Variants in NRG3 observed in about 807,000 individuals in gnomAD.
NRG3 encodes the protein pro-neuregulin-3, membrane-bound isoform.
Under a neutral mutation model 66.9 loss-of-function variants are expected in NRG3, and 31 were observed. The ratio of observed to expected loss-of-function variants is 0.46; its 90% confidence interval spans 0.35 to 0.63. NRG3 has a LOEUF of 0.63. NRG3 is among the 20% of genes least tolerant of loss of function. NRG3 has a pLI of 0.00. For missense variants in NRG3, 910 were observed against 878.9 expected, an observed-to-expected ratio of 1.04 and a Z score of -0.45; for synonymous variants, 393 against 359.4, an observed-to-expected ratio of 1.09 and a Z score of -1.06.
At position 81,885,979 on chromosome 10, in the gene NRG3, ACT is replaced by A. The variant is rs559842626; in HGVS notation, c.823+9821_823+9822del. Among the ~76,000 whole-genome samples, 402 of 152,150 alleles carry A rather than the reference ACT, an allele frequency of 2.6e-3. 1 individual carries two copies. The highest frequency in any genetic ancestry group is 4.6e-3 in the Non-Finnish European group (315 of 67,986). Reference sequence around the variant, plus strand: ...TATTTCATTGACTTTTCAGTATGATACTCTCTGTTTCTGGATTAAAAAACTAA... The same window carrying A: ...TATTTCATTGACTTTTCAGTATGATACTCTGTTTCTGGATTAAAAAACTAA... On this transcript the variant is annotated intron_variant, in intron 1 of 8. Transcript: ENST00000372141.
intron 1 of NRG3, among the ~76,000 whole-genome samples, chr10:82,026,598 T>G (rs937801943): frequency 1.3e-5 from 2 of 152,004 alleles, no homozygotes; most frequent in African/African-American, 4.8e-5. Flanking sequence ...ATTTATATAT[T>G]ACCTATAATT....
intron 2 of NRG3, among the ~76,000 whole-genome samples, chr10:82,585,865 A>G (rs1025373860): frequency 1.3e-5 from 2 of 152,202 alleles, no homozygotes; most frequent in African/African-American, 4.8e-5. Flanking sequence ...GGCTTTTTAT[A>G]ATAGGTATAC....
chr10:82,150,530 C>A (rs1649966), intron 1 of NRG3, among the ~76,000 whole-genome samples: 1,802 of 25,486 alleles, frequency 0.071, 151 homozygotes, highest in Middle Eastern at 0.096. Context: ...AGAGCACACA[C>A]AAAAAAAAAA....
intron 3 of NRG3, among the ~76,000 whole-genome samples, chr10:82,825,302 G>T (rs2062149329): frequency 6.6e-6 from 1 of 152,072 alleles, no homozygotes; most frequent in African/African-American, 2.4e-5. Context: ...TATAATTTCA[G>T]CTCTTATATT....
chr10:81,922,683 A>C (rs1846370451), intron 1 of NRG3, among the ~76,000 whole-genome samples: 1 of 152,276 alleles, frequency 6.6e-6, no homozygotes, highest in South Asian at 2.1e-4. Context: ...TGTGGGCATC[A>C]GTTGATGCTA....
At position 81,875,764 on chromosome 10, in the gene NRG3, G is replaced by C. The variant is rs372465981; in HGVS notation, c.424G>C (p.Ala142Pro). ...CACCACGTCCCCCGCCACCCCCTCC[G>C]CCGGGGGTGCCGCCTCCTCCAGGAC... is the stretch of plus-strand genomic sequence containing the variant. ...TSTTSPATPSAGGAASSRTPN... is the reference protein window; with the variant it reads ...TSTTSPATPSPGGAASSRTPN... Residue 142 changes from alanine (A) to proline (P), a missense_variant, in exon 1 of 9, where the codon GCC becomes CCC. Physicochemically the swap from Ala to Pro is conservative, Grantham distance 27 (BLOSUM62 -1). Transcript: ENST00000372141. The surrounding 1 kb of genome is among the most constrained non-coding windows in gnomAD (Gnocchi z 5.3). The C allele has an allele frequency of 6.2e-7, 1 of 1,611,584 alleles. No individual in the cohort carries two copies. Among genetic ancestry groups the C allele is most frequent in the Non-Finnish European group, 8.5e-7 (1 of 1,179,562 alleles).
chr10:82,140,856 C>T (rs1555240), intron 1 of NRG3, among the ~76,000 whole-genome samples: 81,339 of 151,976 alleles, frequency 0.54, 23,426 homozygotes, highest in Non-Finnish European at 0.66. Flanking sequence ...TCTCTTAGGG[C>T]GATTTTAAAA....
chr10:82,749,145 A>G (rs1390857647), intron 3 of NRG3, among the ~76,000 whole-genome samples: 1 of 152,092 alleles, frequency 6.6e-6, no homozygotes, highest in Non-Finnish European at 1.5e-5. Context: ...GACAGTTGCA[A>G]CTTCAGTTGC....
chr10:82,092,174 A>G (rs1367516370), intron 1 of NRG3, among the ~76,000 whole-genome samples: 2 of 152,112 alleles, frequency 1.3e-5, no homozygotes, highest in Admixed American at 6.6e-5. Flanking sequence ...TCTATTGTTC[A>G]CTTAAAGACA....
chr10:82,865,987 A>G (rs1262595332), intron 4 of NRG3, among the ~76,000 whole-genome samples: 1 of 152,140 alleles, frequency 6.6e-6, no homozygotes, highest in African/African-American at 2.4e-5. Context: ...ATTTGCAGTG[A>G]ATGGTGTATG....
chr10:82,253,105 C>T (rs2077561690), intron 1 of NRG3, among the ~76,000 whole-genome samples: 1 of 152,180 alleles, frequency 6.6e-6, no homozygotes, highest in Non-Finnish European at 1.5e-5. Context: ...TGGAATTTCC[C>T]AATACCAACA....
At chr10:82,102,985 TC>T in intron 1 of NRG3, among the ~76,000 whole-genome samples, 1 of 152,290 alleles carries the variant, frequency 6.6e-6, no homozygotes, top group East Asian at 1.9e-4. Flanking sequence ...TATTTTTCTT[TC>T]ATCTGAAGTA....
intron 1 of NRG3, among the ~76,000 whole-genome samples, chr10:82,278,498 G>A (rs1254423701): frequency 1.3e-5 from 2 of 152,072 alleles, no homozygotes; most frequent in African/African-American, 4.8e-5. Flanking sequence ...TGTTGAAAAT[G>A]TTCTCTGGCA....
rs572759044 is a variant in NRG3, at chr10:82,318,363, C to T, written c.824-40376C>T. Among the ~76,000 whole-genome samples the T allele has an allele frequency of 8.5e-5, 13 of 152,218 alleles. No homozygotes were observed. The East Asian group carries it at 2.5e-3, about 29-fold the overall frequency. On this transcript the variant is annotated intron_variant, in intron 1 of 8. Transcript: ENST00000372141. ...ATTTCCTTTCACAGAGTATATTTTCCACATTCCCTGTGATGTATGTATGTA... is the reference window on the plus strand; with the variant it reads ...ATTTCCTTTCACAGAGTATATTTTCTACATTCCCTGTGATGTATGTATGTA...
intron 4 of NRG3, among the ~76,000 whole-genome samples, chr10:82,947,800 C>T (rs1360105561): frequency 2.6e-5 from 4 of 151,952 alleles, no homozygotes; most frequent in African/African-American, 4.8e-5. Context: ...AGAAGTCATT[C>T]TTATAAATTA....
intron 4 of NRG3, among the ~76,000 whole-genome samples, chr10:82,879,182 A>G (rs1591811727): frequency 6.6e-6 from 1 of 152,328 alleles, no homozygotes; most frequent in Non-Finnish European, 1.5e-5. Flanking sequence ...AAGTTCTGTG[A>G]TAGTAGAACT....
At chr10:82,031,820 C>T (rs2062582003) in intron 1 of NRG3, among the ~76,000 whole-genome samples, 1 of 152,082 alleles carries the variant, frequency 6.6e-6, no homozygotes, top group African/African-American at 2.4e-5. Flanking sequence ...AAGTATATGG[C>T]CTTGCCACTT....
At chr10:82,068,014 A>G (rs1224567852) in intron 1 of NRG3, among the ~76,000 whole-genome samples, 1 of 152,190 alleles carries the variant, frequency 6.6e-6, no homozygotes, top group East Asian at 1.9e-4. Flanking sequence ...TCCTCAAGCT[A>G]CCTGTAAGTA....
At chr10:82,439,195 C>T (rs2090307450) in intron 2 of NRG3, among the ~76,000 whole-genome samples, 1 of 152,074 alleles carries the variant, frequency 6.6e-6, no homozygotes. Flanking sequence ...TACCATATCA[C>T]ACCAAAGTCA....
Sources: allele counts gnomAD v4.1 joint callset (sites outside exome capture counted in the v4.1 genomes callset), GRCh38; gene constraint gnomAD v4.1.1; non-coding constraint Gnocchi (gnomAD v3.1); transcripts MANE v1.5; gene names NCBI Gene and HGNC (gene_info 2026-07-23, HGNC 2026-07-21).